The following DIP2B variants were observed in gnomAD, a reference collection of about 807,000 sequenced individuals.
DIP2B encodes the protein DIP2 acetate--CoA ligase B (putative).
In DIP2B, 76 loss-of-function variants were observed where a neutral mutation model predicts 198.0. The ratio of observed to expected loss-of-function variants is 0.38; its 90% CI spans 0.32 to 0.46. The LOEUF is 0.46. Among genes scored for constraint, DIP2B ranks in the 20% least tolerant of loss-of-function variants. The probability of loss-of-function intolerance (pLI) is 0.99; values close to 1 mark genes in which losing one functional copy is unlikely to be tolerated. For missense variants in DIP2B, 1,559 were observed against 1,978.4 expected, an observed-to-expected ratio of 0.79 and a Z score of 4.02; for synonymous variants, 701 against 739.1, an observed-to-expected ratio of 0.95 and a Z score of 0.84.
At position 50,640,749 on chromosome 12, in the gene DIP2B, A is replaced by G. The variant is rs377619724; in HGVS notation, c.198A>G (p.Glu66=). 6.2e-7 allele frequency: 1 copy of G among 1,613,894 alleles called. No individual in the cohort carries two copies. The highest frequency in any genetic ancestry group is 8.5e-7 in the Non-Finnish European group (1 of 1,179,830). Residue 66 remains glutamate, a synonymous_variant, in exon 3 of 38, where the codon GAA becomes GAG. Transcript: ENST00000301180. ...AAACTGATTCAGCAGTACAGAAAGA[A>G]CTTAGAAACCAGACACCTGCTCCAT... ...TQETDSAVQK[E]LRNQTPAPSA...
intron 30 of DIP2B, among the ~76,000 whole-genome samples, chr12:50,729,965 C>T (rs372992417): frequency 3.3e-5 from 5 of 152,058 alleles, no homozygotes; most frequent in East Asian, 1.9e-4. Flanking sequence ...TCAGGCAGTC[C>T]GCCTGCCTCG....
At chr12:50,710,424 G>GT (rs1160774659) in intron 22 of DIP2B, among the ~76,000 whole-genome samples, 1 of 150,882 alleles carries the variant, frequency 6.6e-6, no homozygotes, top group Non-Finnish European at 1.5e-5. Context: ...TGACTGTTTT[G>GT]TTTTGTTTTT....
chr12:50,735,053 TA>T lies in DIP2B; in HGVS notation c.4044-17del. ...CTCCTCTTAAAAGCCCTATATATAG[TA>T]AATACCGTTCTTCTGCAGGGTTCGT... On this transcript the variant is annotated intron_variant, in intron 33 of 37. Coordinates refer to ENST00000301180, the MANE Select transcript of DIP2B (RefSeq NM_173602.3). The T allele has an allele frequency of 6.2e-7, 1 of 1,614,076 alleles. No homozygotes were observed. Among genetic ancestry groups the T allele is most frequent in the Non-Finnish European group, 8.5e-7 (1 of 1,179,984 alleles).
intron 5 of DIP2B, among the ~76,000 whole-genome samples, chr12:50,673,761 G>A (rs1368512178): frequency 2.6e-5 from 4 of 152,148 alleles, no homozygotes; most frequent in East Asian, 1.9e-4. Context: ...ATTCCTGGCT[G>A]GGCAACAGCA....
At chr12:50,682,426 G>T (rs1592125545) in intron 9 of DIP2B, among the ~76,000 whole-genome samples, 1 of 151,996 alleles carries the variant, frequency 6.6e-6, no homozygotes, top group South Asian at 2.1e-4. Flanking sequence ...GAGATCGATC[G>T]AGACCATCCT....
rs1187445176 is a variant in DIP2B, at chr12:50,714,436, T to A, written c.2691T>A (p.Ala897=). 6.2e-7 allele frequency: 1 copy of A among 1,614,124 alleles called. No individual in the cohort carries two copies. The highest frequency in any genetic ancestry group is 1.3e-5 in the African/African-American group (1 of 74,938). ...ATCAAGTGGGGGTTTATTGTCTTGC[T>A]CTGGTGCCAGCCAATACATTGCCAA... ...SIHQVGVYCL[A]LVPANTLPKT... is the part of the protein sequence containing the mutation. The change falls in exon 23 of 38, where the codon GCT becomes GCA. Residue 897 remains alanine (A), a synonymous_variant. Transcript: ENST00000301180.
At chr12:50,589,760 G>A (rs1042141147) in intron 1 of DIP2B, among the ~76,000 whole-genome samples, 4 of 152,064 alleles carry the variant, frequency 2.6e-5, no homozygotes, top group African/African-American at 9.7e-5. Flanking sequence ...GCCAGAGGGT[G>A]TATCCTCTGT....
rs567775457 is a variant in DIP2B, at chr12:50,591,882, T to G, written c.101-34094T>G. Among the ~76,000 whole-genome samples, 1,083 of 122,812 alleles carry G rather than the reference T, an allele frequency of 8.8e-3. 15 individuals carry two copies. Among genetic ancestry groups the G allele is most frequent in the African/African-American group, 0.032 (1,028 of 31,740 alleles). The allele number at this position is 122,812 out of a possible 152,430, so 80.6% of individuals were successfully genotyped here. The stretch of plus-strand genomic sequence containing the variant: ...ACTTTTATTTCTTTATTTTTGTGTG[T>G]TTTTTTTTTTTTTGAGATGGAGTCT... On this transcript the variant is annotated intron_variant, in intron 1 of 37. Transcript: ENST00000301180.
At chr12:50,590,551 G>A (rs944736859) in intron 1 of DIP2B, among the ~76,000 whole-genome samples, 2 of 152,004 alleles carry the variant, frequency 1.3e-5, no homozygotes, top group Non-Finnish European at 2.9e-5. Flanking sequence ...TGTATTCTTA[G>A]TAGAGATGGG....
chr12:50,700,713 G>A lies in DIP2B; in HGVS notation c.2325+1511G>A, dbSNP rs188635989. Among the ~76,000 whole-genome samples, 278 of 152,208 alleles carry A rather than the reference G, an allele frequency of 1.8e-3. 6 individuals are homozygous for A. Among genetic ancestry groups the A allele is most frequent in the Admixed American group, 0.018 (275 of 15,276 alleles). On this transcript the variant is annotated intron_variant, in intron 19 of 37. Transcript: ENST00000301180. ...TCATAACTATTACTACTGTGCTCTT[G>A]CCCAGCCTTCAAAAGCTGTGTGCAA...
chr12:50,669,084 C>G (rs934873797), intron 4 of DIP2B, among the ~76,000 whole-genome samples: 1 of 152,068 alleles, frequency 6.6e-6, no homozygotes, highest in Non-Finnish European at 1.5e-5. Flanking sequence ...AGTCTTTGCT[C>G]TATGTACAAA....
Position 50,727,746 on chromosome 12 carries a change from C to T in DIP2B, c.3444C>T (p.Pro1148=), listed in dbSNP as rs771267365. 1 of 1,614,182 alleles carries T rather than the reference C, an allele frequency of 6.2e-7. No homozygotes were observed. The highest frequency in any genetic ancestry group is 1.3e-5 in the African/African-American group (1 of 75,030). The change falls in exon 29 of 38, where the codon CCC becomes CCT. Residue 1148 remains proline, a synonymous_variant. Transcript: ENST00000301180. ...RKRLPQLYKP[P]TPEMLAYLDF... is the part of the protein sequence containing the mutation. The stretch of plus-strand genomic sequence containing the variant: ...GGTTACCTCAGCTGTATAAACCGCC[C>T]ACTCCTGAGATGTTGGCATATCTTG...
intron 1 of DIP2B, among the ~76,000 whole-genome samples, chr12:50,547,062 C>T (rs1337824608): frequency 6.6e-6 from 1 of 152,094 alleles, no homozygotes; most frequent in Non-Finnish European, 1.5e-5. Context: ...TACTATTAAC[C>T]ACCAACTTTG....
chr12:50,556,117 G>A (rs1461951145), intron 1 of DIP2B, among the ~76,000 whole-genome samples: 3 of 151,410 alleles, frequency 2.0e-5, no homozygotes, highest in African/African-American at 4.9e-5. Flanking sequence ...GCAGTGGCGC[G>A]ACGCTCACTG....
intron 30 of DIP2B, among the ~76,000 whole-genome samples, chr12:50,730,452 C>T (rs1940022524): frequency 6.7e-6 from 1 of 149,362 alleles, no homozygotes; most frequent in South Asian, 2.1e-4. Context: ...TGGCACAAAT[C>T]ACAGCTCACT....
At chr12:50,657,903 G>A (rs1252323120) in intron 3 of DIP2B, among the ~76,000 whole-genome samples, 1 of 152,020 alleles carries the variant, frequency 6.6e-6, no homozygotes, top group Non-Finnish European at 1.5e-5. Context: ...AACCTATAGA[G>A]GACATTATTG....
intron 1 of DIP2B, among the ~76,000 whole-genome samples, chr12:50,554,612 G>A (rs1417970951): frequency 1.3e-5 from 2 of 152,106 alleles, no homozygotes; most frequent in Non-Finnish European, 2.9e-5. Flanking sequence ...GTGGCATGGC[G>A]GTAGAATGGA....
intron 20 of DIP2B, among the ~76,000 whole-genome samples, chr12:50,704,934 C>T (rs1005915558): frequency 6.6e-6 from 1 of 151,244 alleles, no homozygotes; most frequent in Non-Finnish European, 1.5e-5. Flanking sequence ...GGCAACAGAG[C>T]GAGACTTCAT....
chr12:50,661,785 G>A (rs1367782534), intron 4 of DIP2B, among the ~76,000 whole-genome samples: 1 of 152,190 alleles, frequency 6.6e-6, no homozygotes, highest in Non-Finnish European at 1.5e-5. Context: ...AATGGCAAAG[G>A]GTAGGGAGCA....
Sources: allele counts gnomAD v4.1 joint callset (sites outside exome capture counted in the v4.1 genomes callset), GRCh38; gene constraint gnomAD v4.1.1; transcripts MANE v1.5; gene names NCBI Gene and HGNC (gene_info 2026-07-23, HGNC 2026-07-21).